IGF2BP3: variants seen among roughly 807,000 people sequenced by gnomAD.
The protein encoded by IGF2BP3 is insulin like growth factor 2 mRNA binding protein 3.
In IGF2BP3, 9 loss-of-function variants were observed where a neutral mutation model predicts 73.8. The ratio of observed to expected loss-of-function variants is 0.12; its 90% confidence interval spans 0.07 to 0.21. The LOEUF (loss-of-function observed/expected upper bound fraction) is 0.21. IGF2BP3 is among the 10% of genes least tolerant of loss of function. The pLI is 1.00. For missense variants in IGF2BP3, 542 were observed against 714.0 expected (o/e 0.76, Z 2.75); for synonymous variants, 258 against 256.7 (o/e 1.01, Z -0.05).
intron 3 of IGF2BP3, among the ~76,000 whole-genome samples, chr7:23,378,062 A>C (rs1426220515): frequency 3.3e-5 from 5 of 152,100 alleles, no homozygotes; most frequent in Non-Finnish European, 2.9e-5. Context: ...TATACTAAAA[A>C]CCACTGAATT....
chr7:23,312,905 AGCACTTACT>A (rs1783871858), intron 13 of IGF2BP3, 57 bp from the exon 14 acceptor site: 1 of 1,076,932 alleles, frequency 9.3e-7, no homozygotes, highest in African/African-American at 1.6e-5. Context: ...TTACTTCCTA[AGCACTTACT>A]GTGCGCCAGA....
At chr7:23,450,192 T>C (rs1161864460) in intron 2 of IGF2BP3, among the ~76,000 whole-genome samples, 1 of 152,130 alleles carries the variant, frequency 6.6e-6, no homozygotes, top group Admixed American at 6.5e-5. Flanking sequence ...TATACATCCT[T>C]TTATGATCTG....
chr7:23,312,932 C>G, intron 13 of IGF2BP3, 84 bp from the exon 14 acceptor site: 1 of 732,592 alleles, frequency 1.4e-6, no homozygotes. Context: ...AGACAGTGAG[C>G]TATGTATGGC....
At position 23,468,452 on chromosome 7, in the gene IGF2BP3, G is replaced by C. The variant is rs368715232; in HGVS notation, c.236+30C>G. The stretch of plus-strand genomic sequence containing the variant: ...TCCACCCAATAACGGAGTGAGAACA[G>C]AATCGGGGCAAACAGAAGCAGCAGC... On this transcript the variant is annotated intron_variant, in intron 2 of 14. Coordinates refer to ENST00000258729, the MANE Select transcript of IGF2BP3 (RefSeq NM_006547.3). The C allele has an allele frequency of 4.3e-6, 7 of 1,612,192 alleles. No homozygotes were observed. The African/African-American group carries it at 9.3e-5, about 22-fold the overall frequency.
intron 2 of IGF2BP3, among the ~76,000 whole-genome samples, chr7:23,464,929 A>C (rs1788531332): frequency 6.6e-6 from 1 of 152,186 alleles, no homozygotes; most frequent in African/African-American, 2.4e-5. Context: ...AGGAGGCAGC[A>C]ACAACAACAA....
At chr7:23,317,893 T>A in intron 11 of IGF2BP3, 180 bp from the exon 12 acceptor site, 1 of 615,920 alleles carries the variant, frequency 1.6e-6, no homozygotes, top group Non-Finnish European at 2.9e-6. Flanking sequence ...CTCCTGCATA[T>A]ACTATATGCT....
intron 6 of IGF2BP3, among the ~76,000 whole-genome samples, chr7:23,350,877 G>T (rs1320363570): frequency 1.3e-5 from 2 of 152,168 alleles, no homozygotes; most frequent in Non-Finnish European, 2.9e-5. Flanking sequence ...TAAGATGAGC[G>T]ATTCTTTATT....
chr7:23,435,262 C>T (rs1366328835), intron 2 of IGF2BP3, among the ~76,000 whole-genome samples: 1 of 133,146 alleles, frequency 7.5e-6, no homozygotes, highest in Non-Finnish European at 1.6e-5. Context: ...CATTGCACTC[C>T]AGCCCAGGCG....
At chr7:23,351,745 C>T (rs773039407) in intron 5 of IGF2BP3, among the ~76,000 whole-genome samples, 159 bp from the exon 6 acceptor site, 4 of 151,960 alleles carry the variant, frequency 2.6e-5, no homozygotes, top group African/African-American at 4.8e-5. Context: ...CATAATCCTC[C>T]CCTCTCCCAC....
chr7:23,340,843 CTTTTTCT>C (rs1273711713), intron 10 of IGF2BP3, among the ~76,000 whole-genome samples: 1 of 149,412 alleles, frequency 6.7e-6, no homozygotes, highest in African/African-American at 2.5e-5. Context: ...CTTTCTTTTT[CTTTTTCT>C]TTTTTTTTTT....
Position 23,450,244 on chromosome 7 carries a change from T to A in IGF2BP3, c.236+18238A>T, listed in dbSNP as rs1788166346. 3.3e-5 allele frequency among the ~76,000 whole-genome samples: 5 copies of A among 152,226 alleles called. No homozygotes were observed. The South Asian group carries it at 1.0e-3, about 31-fold the overall frequency. ...GCATGCATAAAGCACTTCTGCTACC[T>A]ATCCTGGTTGTCTGCACAAAAAGCA... On this transcript the variant is annotated intron_variant, in intron 2 of 14. Coordinates refer to ENST00000258729, the MANE Select transcript of IGF2BP3 (RefSeq NM_006547.3).
In IGF2BP3 at chr7:23,312,373, T is replaced by C; in HGVS notation, c.1729A>G (p.Arg577Gly). The change falls in exon 15 of 15, where the codon AGA becomes GGA. Residue 577 changes from arginine (R) to glycine (G), a missense_variant. Arg to Gly is a moderately radical substitution (Grantham distance 125). Transcript: ENST00000258729. ...TGTTTCCTGAGCCTTTACTTCCGTC[T>C]TGACTGAGGTGGTCCACTTTGCAGA... ...KALQSGPPQS[R>G]RK 6.2e-7 allele frequency: 1 copy of C among 1,611,712 alleles called. No homozygotes were observed. The highest frequency in any genetic ancestry group is 2.0e-4 in the Middle Eastern group (1 of 5,030).
chr7:23,370,836 C>T (rs753021103), intron 3 of IGF2BP3, among the ~76,000 whole-genome samples: 7 of 151,994 alleles, frequency 4.6e-5, no homozygotes, highest in Non-Finnish European at 1.0e-4. Flanking sequence ...TGCCACCACG[C>T]CCAGCTAATT....
chr7:23,385,144 G>A lies in IGF2BP3; in HGVS notation c.286-23403C>T, dbSNP rs567151551. ...AATAAATGAAAGAATAATAGAATTG[G>A]AAAATGACCTTTTTGCCTCCCTTTA... On this transcript the variant is annotated intron_variant, in intron 3 of 14. Coordinates refer to ENST00000258729, the MANE Select transcript of IGF2BP3 (RefSeq NM_006547.3). Among the ~76,000 whole-genome samples, 3 of 152,238 alleles carry A rather than the reference G, an allele frequency of 2.0e-5. No individual in the cohort carries two copies. In the South Asian group the frequency reaches 6.2e-4, roughly 32 times the overall value.
At chr7:23,370,429 A>C (rs1434133214) in intron 3 of IGF2BP3, among the ~76,000 whole-genome samples, 1 of 152,174 alleles carries the variant, frequency 6.6e-6, no homozygotes, top group East Asian at 1.9e-4. Context: ...AGAAGATGGA[A>C]CAACAATGTC....
intron 6 of IGF2BP3, among the ~76,000 whole-genome samples, chr7:23,348,510 T>G (rs1321371329): frequency 2.0e-5 from 3 of 152,184 alleles, no homozygotes; most frequent in African/African-American, 7.2e-5. Context: ...AGAACTGTAT[T>G]TCTTGTAACA....
At chr7:23,335,308 G>A (rs1019960875) in intron 10 of IGF2BP3, among the ~76,000 whole-genome samples, 4 of 149,662 alleles carry the variant, frequency 2.7e-5, no homozygotes, top group African/African-American at 9.9e-5. Context: ...TTTTGGACAA[G>A]GTCTCACTCT....
chr7:23,364,296 C>T (rs948557791), intron 3 of IGF2BP3, among the ~76,000 whole-genome samples: 3 of 146,598 alleles, frequency 2.0e-5, no homozygotes, highest in African/African-American at 8.3e-5. Context: ...ACTGCTTGAA[C>T]CCAGGAGGCG....
chr7:23,426,043 T>C (rs993719976), intron 2 of IGF2BP3, among the ~76,000 whole-genome samples: 4 of 151,794 alleles, frequency 2.6e-5, no homozygotes, highest in African/African-American at 9.7e-5. Flanking sequence ...ATGACCAAAA[T>C]TGTCTGGGTG....
Sources: gnomAD v4.1 joint callset for allele counts (sites outside exome capture counted in the v4.1 genomes callset) on GRCh38, gnomAD v4.1.1 for gene constraint, MANE v1.5 for transcripts, NCBI Gene and HGNC (gene_info 2026-07-23, HGNC 2026-07-21) for gene names.